FAM186B: variants seen among roughly 807,000 people sequenced by gnomAD.
FAM186B encodes protein FAM186B.
A neutral mutation model predicts 83.4 loss-of-function variants in FAM186B; 68 were observed. That is an observed-to-expected ratio of 0.81 (90% CI 0.67 to 1.00). The LOEUF is 1.00. FAM186B is among the 50% of genes least tolerant of loss of function. The pLI is 0.00. For missense variants in FAM186B, 983 were observed against 1,099.2 expected, an observed-to-expected ratio of 0.89 and a Z score of 1.49; for synonymous variants, 389 against 422.0, an observed-to-expected ratio of 0.92 and a Z score of 0.96.
At position 49,600,269 on chromosome 12, in the gene FAM186B, G is replaced by A. The variant is rs143376289; in HGVS notation, c.1371C>T (p.Phe457=). The change falls in exon 4 of 7, where the codon TTC becomes TTT. Residue 457 remains phenylalanine (F), a synonymous_variant. Coordinates refer to ENST00000257894, the MANE Select transcript of FAM186B (RefSeq NM_032130.3). The surrounding 1 kb of genome is among the most constrained non-coding windows in gnomAD (Gnocchi z 4.3). ...CTAGAGACAGCTGCTTGCTACAGTG[G>A]AACTTAATTTGGAGTCCTCCCTTCT... is the stretch of plus-strand genomic sequence containing the variant. ...YFQKGGLQIK[F]HCSKQLSLES... 9.7e-5 allele frequency: 157 copies of A among 1,613,996 alleles called. No homozygotes were observed. The highest frequency in any genetic ancestry group is 1.1e-4 in the Non-Finnish European group (134 of 1,180,010).
chr12:49,595,657 C>T (rs952243868), intron 5 of FAM186B: 3 of 428,472 alleles, frequency 7.0e-6, no homozygotes, highest in African/African-American at 2.0e-5. Flanking sequence ...GAGATGGCAG[C>T]TCAAGTGAAG....
intron 5 of FAM186B, chr12:49,595,610 G>A (rs1939698332): frequency 2.4e-6 from 1 of 414,694 alleles, no homozygotes; most frequent in African/African-American, 2.1e-5. Context: ...CCAGCTTTGA[G>A]TTTGTGATTA....
chr12:49,605,764 T>TC, upstream of FAM186B: 1 of 228,678 alleles, frequency 4.4e-6, no homozygotes, highest in Non-Finnish European at 8.4e-6. Flanking sequence ...TTTTCTTTTT[T>TC]TTTTTTTTTT....
the FAM186B span, among the ~76,000 whole-genome samples, chr12:49,613,072 C>G: frequency 1.3e-5 from 2 of 152,284 alleles, no homozygotes; most frequent in Admixed American, 1.3e-4. Flanking sequence ...GAAATCAAAA[C>G]AAGAAGATCT....
downstream of FAM186B, chr12:49,584,233 C>T (rs1014869906): frequency 2.2e-6 from 1 of 447,370 alleles, no homozygotes; most frequent in African/African-American, 2.0e-5. Context: ...TCAGAGGGTT[C>T]TAAAACTGAG....
intron 3 of FAM186B, among the ~76,000 whole-genome samples, chr12:49,602,501 AG>A (rs1939916719): frequency 6.6e-6 from 1 of 152,166 alleles, no homozygotes; most frequent in Admixed American, 6.6e-5. Context: ...ACCTGGAGCT[AG>A]GCAGTATCCT....
chr12:49,586,502 C>T (rs371746986), downstream of FAM186B, among the ~76,000 whole-genome samples: 45 of 152,258 alleles, frequency 3.0e-4, no homozygotes, highest in African/African-American at 1.1e-3. Context: ...TTGCCCGAGA[C>T]TCAGAAGCTG....
At position 49,599,937 on chromosome 12, in the gene FAM186B, T is replaced by A. The variant is rs764273824; in HGVS notation, c.1703A>T (p.Asp568Val). The A allele has an allele frequency of 1.2e-6, 2 of 1,613,866 alleles. No individual in the cohort carries two copies. Among genetic ancestry groups the A allele is most frequent in the South Asian group, 2.2e-5 (2 of 91,034 alleles). Residue 568 changes from aspartate (D) to valine (V), a missense_variant, in exon 4 of 7, where the codon GAC (aspartate) becomes GTC (valine). Asp to Val is a radical substitution (Grantham distance 152, BLOSUM62 -3). Coordinates refer to ENST00000257894, the MANE Select transcript of FAM186B (RefSeq NM_032130.3). ...TAATGATAGCTCTGCCTTCTCCAAG[T>A]CCCTCCATCGACTGGTGGGTGTGAA... Reference protein sequence around the residue: ...RIFTPTSRWRDLEKAELSLVP... With the variant: ...RIFTPTSRWRVLEKAELSLVP...
chr12:49,590,209 G>A (rs1402231891), intron 5 of FAM186B, among the ~76,000 whole-genome samples: 2 of 151,982 alleles, frequency 1.3e-5, no homozygotes, highest in African/African-American at 4.8e-5. Context: ...CCTCAGTGGT[G>A]TATGGCCCAT....
chr12:49,591,844 T>C (rs187100767), intron 5 of FAM186B, among the ~76,000 whole-genome samples: 29 of 152,282 alleles, frequency 1.9e-4, no homozygotes, highest in African/African-American at 6.5e-4. Flanking sequence ...GTCTCTAGAT[T>C]ACTTATAATA....
In FAM186B at chr12:49,605,589, C is replaced by A; in HGVS notation, c.-112G>T. The A allele has an allele frequency of 8.6e-7, 1 of 1,168,022 alleles. No homozygotes were observed. The highest frequency in any genetic ancestry group is 1.6e-5 in the South Asian group (1 of 63,898). 72.4% of individuals were successfully genotyped at this position (1,168,022 alleles called of 1,614,324 possible). ...GGCACCAGGGTGTCTCCTGGGTACC[C>A]TCTGCCCAGGCACAGCTCCTCTGGT... On this transcript the variant is annotated 5_prime_UTR_variant, in exon 1 of 7. It adds an upstream start codon to the 5' untranslated region. Coordinates refer to ENST00000257894, the MANE Select transcript of FAM186B (RefSeq NM_032130.3).
chr12:49,594,370 T>C (rs1939662238), intron 5 of FAM186B: 1 of 156,998 alleles, frequency 6.4e-6, no homozygotes, highest in Non-Finnish European at 1.4e-5. Flanking sequence ...CCCTTATCCT[T>C]GGGGGATACA....
chr12:49,618,620 A>G, the FAM186B span, among the ~76,000 whole-genome samples: 1 of 152,204 alleles, frequency 6.6e-6, no homozygotes, highest in South Asian at 2.1e-4. Context: ...ATATGCTATA[A>G]AAAGGACAAT....
At chr12:49,606,182 A>T (rs780559074), upstream of FAM186B, among the ~76,000 whole-genome samples, 1 of 152,144 alleles carries the variant, frequency 6.6e-6, no homozygotes, top group Non-Finnish European at 1.5e-5. Flanking sequence ...TAAATTTGTA[A>T]AAATTAGAGC....
At chr12:49,614,422 T>C in the FAM186B span, among the ~76,000 whole-genome samples, 1 of 152,186 alleles carries the variant, frequency 6.6e-6, no homozygotes, top group African/African-American at 2.4e-5. Flanking sequence ...ATAATGTCCT[T>C]TGCAACAACA....
At chr12:49,592,421 G>A (rs1453928796) in intron 5 of FAM186B, among the ~76,000 whole-genome samples, 2 of 152,028 alleles carry the variant, frequency 1.3e-5, no homozygotes, top group Admixed American at 6.6e-5. Context: ...GCAGTGAGCC[G>A]AGATCATGCC....
intron 3 of FAM186B, 34 bp downstream of exon 3, chr12:49,603,151 C>T: frequency 6.2e-7 from 1 of 1,613,132 alleles, no homozygotes; most frequent in African/African-American, 1.3e-5. Context: ...CCCGTCCCCA[C>T]CTAGCTCCCT....
intron 5 of FAM186B, among the ~76,000 whole-genome samples, chr12:49,594,570 T>C (rs1939668497): frequency 6.6e-6 from 1 of 152,222 alleles, no homozygotes. Flanking sequence ...GGTTGGTCTC[T>C]TGCTCTCAAA....
intron 2 of FAM186B, 41 bp downstream of exon 2, chr12:49,604,272 C>G (rs746204996): frequency 2.0e-6 from 3 of 1,534,250 alleles, no homozygotes; most frequent in Non-Finnish European, 2.7e-6. Context: ...CACCCACACT[C>G]CCCTCCCAGA....
Sources: allele counts gnomAD v4.1 joint callset (sites outside exome capture counted in the v4.1 genomes callset), GRCh38; gene constraint gnomAD v4.1.1; non-coding constraint Gnocchi (gnomAD v3.1); transcripts MANE v1.5; gene names NCBI Gene and HGNC (gene_info 2026-07-23, HGNC 2026-07-21).